Variants in DPEP3 observed in about 807,000 individuals in gnomAD.
The protein encoded by DPEP3 is membrane-bound dipeptidase 3.
A neutral mutation model predicts 47.5 loss-of-function variants in DPEP3; 42 were observed. The observed-to-expected ratio is 0.88, with a 90% CI of 0.69 to 1.14. DPEP3 has a LOEUF of 1.14. Ranked by LOEUF, DPEP3 falls within the 50% of genes most tolerant of loss-of-function variation. The pLI is 0.00. For missense variants in DPEP3, 560 were observed against 635.0 expected (o/e 0.88, Z 1.27); for synonymous variants, 276 against 270.2 (o/e 1.02, Z -0.21).
chr16:67,978,094 G>A lies in DPEP3; in HGVS notation c.687-87C>T. On this transcript the variant is annotated intron_variant, in intron 4 of 9. Transcript: ENST00000268793. This position sits in a 1 kb window ranked among gnomAD's most constrained non-coding sequence, Gnocchi z 4.4. Reference sequence around the variant, plus strand: ...GGCCCTGGCTCTATCCATCCATCCTGCTTCCAGAACAGGTGCAGAACCAGC... The same window carrying A: ...GGCCCTGGCTCTATCCATCCATCCTACTTCCAGAACAGGTGCAGAACCAGC... 6.3e-7 allele frequency: 1 copy of A among 1,584,432 alleles called. No homozygotes were observed. Among genetic ancestry groups the A allele is most frequent in the Non-Finnish European group, 8.7e-7 (1 of 1,155,234 alleles).
At chr16:67,979,054 C>A (rs1327707975) in intron 2 of DPEP3, among the ~76,000 whole-genome samples, 1 of 152,182 alleles carries the variant, frequency 6.6e-6, no homozygotes, top group South Asian at 2.1e-4. Context: ...CCTGTAATCT[C>A]CACACTGTGG....
At chr16:67,979,835 A>G in intron 1 of DPEP3, 70 bp from the exon 2 acceptor site, 1 of 1,575,270 alleles carries the variant, frequency 6.3e-7, no homozygotes, top group Non-Finnish European at 8.6e-7. Flanking sequence ...GCTTGGGTCT[A>G]CCCTCCTCCA....
In DPEP3 at chr16:67,978,282, G is replaced by C. The variant is rs1325536861; in HGVS notation, c.671C>G (p.Thr224Ser). ...LGVRYLTLTF[T>S]CSTPWAESST... ...TTATGCTCACCATGGTGTACTGCAG[G>C]TGAAGGTAAGTGTCAGGTAGCGCAC... The change falls in exon 4 of 10, where the codon ACC becomes AGC. Residue 224 changes from threonine to serine, a missense_variant. Physicochemically the swap from Thr to Ser is moderately conservative, Grantham distance 58. Coordinates refer to ENST00000268793, the MANE Select transcript of DPEP3 (RefSeq NM_001370198.1). This position sits in a 1 kb window ranked among gnomAD's most constrained non-coding sequence, Gnocchi z 4.4. 1.2e-6 allele frequency: 2 copies of C among 1,614,040 alleles called. No individual in the cohort carries two copies. Among genetic ancestry groups the C allele is most frequent in the Non-Finnish European group, 1.7e-6 (2 of 1,180,026 alleles).
intron 7 of DPEP3, 28 bp downstream of exon 7, chr16:67,977,242 C>T: frequency 2.5e-6 from 4 of 1,607,834 alleles, no homozygotes; most frequent in Non-Finnish European, 2.6e-6. Flanking sequence ...CCCAAGCCAG[C>T]ACTGCACAAA....
At chr16:67,977,424 C>A in intron 6 of DPEP3, 70 bp from the exon 7 acceptor site, 1 of 1,475,234 alleles carries the variant, frequency 6.8e-7, no homozygotes, top group Non-Finnish European at 9.4e-7. Context: ...CTGTGGGGGC[C>A]CTGGTAGGAC....
rs1224441192 is a variant in DPEP3 at position 67,977,622 on chromosome 16, G to C, written c.933+31C>G. 2.5e-6 allele frequency: 4 copies of C among 1,594,964 alleles called. No individual in the cohort carries two copies. The Admixed American group carries it at 5.3e-5, about 21-fold the overall frequency. On this transcript the variant is annotated intron_variant, in intron 6 of 9. Transcript: ENST00000268793. Reference sequence around the variant, plus strand: ...GGTCAAGAACCTTTGGATAACACATGCCTAGTTTGAGAGCTGGGATGGCCA... The same window carrying C: ...GGTCAAGAACCTTTGGATAACACATCCCTAGTTTGAGAGCTGGGATGGCCA...
rs2031240242 is a variant in DPEP3, at chr16:67,978,087, C to T, written c.687-80G>A. Reference sequence around the variant, plus strand: ...GCCTGGGGGCCCTGGCTCTATCCATCCATCCTGCTTCCAGAACAGGTGCAG... The same window carrying T: ...GCCTGGGGGCCCTGGCTCTATCCATTCATCCTGCTTCCAGAACAGGTGCAG... On this transcript the variant is annotated intron_variant, in intron 4 of 9. Transcript: ENST00000268793. This position sits in a 1 kb window ranked among gnomAD's most constrained non-coding sequence, Gnocchi z 4.4. The T allele has an allele frequency of 1.8e-5, 28 of 1,589,430 alleles. No individual in the cohort carries two copies. Among genetic ancestry groups the T allele is most frequent in the Non-Finnish European group, 2.4e-5 (28 of 1,159,520 alleles).
rs1280575685 is a variant in DPEP3, at chr16:67,975,777, C to T, written c.1455G>A (p.Gln485=). Residue 485 remains glutamine, a synonymous_variant, in exon 10 of 10, where the codon CAG becomes CAA. Transcript: ENST00000268793. ...GGGACCGACTGTGTCAGCAGAGCCA[C>T]TGGGTGAAGGTTGGGATGGTGGCAG... ...VAAATIPTFT[Q]WLC is the part of the protein sequence containing the mutation. 3.7e-6 allele frequency: 6 copies of T among 1,613,012 alleles called. No individual in the cohort carries two copies. The South Asian group carries it at 6.6e-5, about 18-fold the overall frequency.
Position 67,978,077 on chromosome 16 carries a change from C to A in DPEP3, c.687-70G>T. 1 of 1,594,364 alleles carries A rather than the reference C, an allele frequency of 6.3e-7. No individual in the cohort carries two copies. The highest frequency in any genetic ancestry group is 8.6e-7 in the Non-Finnish European group (1 of 1,163,344). On this transcript the variant is annotated intron_variant, in intron 4 of 9. Coordinates refer to ENST00000268793, the MANE Select transcript of DPEP3 (RefSeq NM_001370198.1). This position sits in a 1 kb window ranked among gnomAD's most constrained non-coding sequence, Gnocchi z 4.4. The stretch of plus-strand genomic sequence containing the variant: ...GGCCATCACAGCCTGGGGGCCCTGG[C>A]TCTATCCATCCATCCTGCTTCCAGA...
rs1429366986 is a variant in DPEP3, at chr16:67,976,794, T to G, written c.1019-19A>C. On this transcript the variant is annotated intron_variant, in intron 7 of 9. Coordinates refer to ENST00000268793, the MANE Select transcript of DPEP3 (RefSeq NM_001370198.1). ...AAGTGATCTAGGGTGGAGGTGAGGG[T>G]GGGCAGCACTAGGCTAGTTAGACCC... 1 of 1,611,004 alleles carries G rather than the reference T, an allele frequency of 6.2e-7. No homozygotes were observed. The highest frequency in any genetic ancestry group is 1.7e-5 in the Admixed American group (1 of 59,818).
chr16:67,979,346 TCC>T (rs1173149310), intron 2 of DPEP3, among the ~76,000 whole-genome samples: 2 of 152,180 alleles, frequency 1.3e-5, no homozygotes, highest in African/African-American at 4.8e-5. Context: ...CTGCTGTTAG[TCC>T]ATGTGCTATG....
intron 2 of DPEP3, among the ~76,000 whole-genome samples, chr16:67,979,347 C>T (rs946230760): frequency 6.6e-6 from 1 of 152,190 alleles, no homozygotes; most frequent in Non-Finnish European, 1.5e-5. Flanking sequence ...TGCTGTTAGT[C>T]CATGTGCTAT....
Position 67,978,450 on chromosome 16 carries a change from A to G in DPEP3, c.545-42T>C. ...AGTCAAGTGGTTAGATCCCAGGAACAGAACCTCCAGAGTGACATCCTGACT... is the reference window on the plus strand; with the variant it reads ...AGTCAAGTGGTTAGATCCCAGGAACGGAACCTCCAGAGTGACATCCTGACT... On this transcript the variant is annotated intron_variant, in intron 3 of 9. Coordinates refer to ENST00000268793, the MANE Select transcript of DPEP3 (RefSeq NM_001370198.1). This position sits in a 1 kb window ranked among gnomAD's most constrained non-coding sequence, Gnocchi z 4.4. 1 of 1,614,024 alleles carries G rather than the reference A, an allele frequency of 6.2e-7. No homozygotes were observed. The highest frequency in any genetic ancestry group is 8.5e-7 in the Non-Finnish European group (1 of 1,179,888).
chr16:67,978,132 T>C lies in DPEP3; in HGVS notation c.687-125A>G. 1.9e-6 allele frequency: 3 copies of C among 1,572,732 alleles called. No homozygotes were observed. The highest frequency in any genetic ancestry group is 1.7e-4 in the Middle Eastern group (1 of 5,766). Reference sequence around the variant, plus strand: ...GTGCAGAACCAGCTGCTTTCTGGGATTGTGAGGGACCCACTGGGTGTCCAG... The same window carrying C: ...GTGCAGAACCAGCTGCTTTCTGGGACTGTGAGGGACCCACTGGGTGTCCAG... On this transcript the variant is annotated intron_variant, in intron 4 of 9. Transcript: ENST00000268793. This position sits in a 1 kb window ranked among gnomAD's most constrained non-coding sequence, Gnocchi z 4.4.
Position 67,978,716 on chromosome 16 carries a change from A to C in DPEP3, c.415-90T>G. On this transcript the variant is annotated intron_variant, in intron 2 of 9. Transcript: ENST00000268793. This position sits in a 1 kb window ranked among gnomAD's most constrained non-coding sequence, Gnocchi z 4.4. ...TCCTGCCTCAGACCCCATAACACCC[A>C]TTTGGGTCAGTGGCCCCAAGTGAGG... 3.3e-6 allele frequency: 5 copies of C among 1,534,668 alleles called. No homozygotes were observed. Among genetic ancestry groups the C allele is most frequent in the Non-Finnish European group, 4.4e-6 (5 of 1,130,962 alleles).
chr16:67,975,825 G>T lies in DPEP3; in HGVS notation c.1407C>A (p.Tyr469Ter). The change falls in exon 10 of 10, where the codon TAC (tyrosine) becomes TAA (stop). Residue 469 changes from tyrosine (Y) to a stop codon, truncating the protein, a stop_gained. Transcript: ENST00000268793. LOFTEE classifies it high-confidence loss of function. ...CAGCAGCCACAAGGCCTGGAACAAG[G>T]TATGGGGAGGCATTTGAGGACCTCC... ...VPWRSSNASP[Y>*]LVPGLVAAAT... The T allele has an allele frequency of 6.2e-7, 1 of 1,613,950 alleles. No individual in the cohort carries two copies. The highest frequency in any genetic ancestry group is 8.5e-7 in the Non-Finnish European group (1 of 1,179,872).
At position 67,980,169 on chromosome 16, in the gene DPEP3, G is replaced by C; in HGVS notation, c.212C>G (p.Thr71Arg). ...GTCCAGGGTTTTGGGGGTGCCTGGC[G>C]TAGTGAGGCCTGGGGTAGTGAGGGC... ...PSALTTPGLTTPGTPKTLDLR... is the reference protein window; with the variant it reads ...PSALTTPGLTRPGTPKTLDLR... The change falls in exon 1 of 10, where the codon ACG (threonine) becomes AGG (arginine). Residue 71 changes from threonine (T) to arginine (R), a missense_variant. Physicochemically the swap from Thr to Arg is moderately conservative, Grantham distance 71. Transcript: ENST00000268793. 1 of 1,612,254 alleles carries C rather than the reference G, an allele frequency of 6.2e-7. No individual in the cohort carries two copies. The highest frequency in any genetic ancestry group is 8.5e-7 in the Non-Finnish European group (1 of 1,179,232).
rs953008442 is a variant in DPEP3, at chr16:67,977,858, G to C, written c.757-29C>G. On this transcript the variant is annotated intron_variant, in intron 5 of 9. Coordinates refer to ENST00000268793, the MANE Select transcript of DPEP3 (RefSeq NM_001370198.1). ...CAGAAACAATTAGGTTTTTTTGTGG[G>C]GGAGGGTGTTGGGGTGCAAAGGTGT... 3 of 1,613,656 alleles carry C rather than the reference G, an allele frequency of 1.9e-6. No homozygotes were observed. In the South Asian group the frequency reaches 3.3e-5, roughly 18 times the overall value.
chr16:67,978,294 G>A lies in DPEP3; in HGVS notation c.659C>T (p.Thr220Ile). ...SFYVLGVRYL[T>I]LTFTCSTPWA... is the part of the protein sequence containing the mutation. ...TGGTGTACTGCAGGTGAAGGTAAGT[G>A]TCAGGTAGCGCACCCCCAGCACATA... is the stretch of plus-strand genomic sequence containing the variant. Residue 220 changes from threonine to isoleucine, a missense_variant, in exon 4 of 10, where the codon ACA (threonine) becomes ATA (isoleucine). Transcript: ENST00000268793. The surrounding 1 kb of genome is among the most constrained non-coding windows in gnomAD (Gnocchi z 4.4). The A allele has an allele frequency of 6.2e-7, 1 of 1,614,164 alleles. No homozygotes were observed. The highest frequency in any genetic ancestry group is 1.1e-5 in the South Asian group (1 of 91,082).
Sources: gnomAD v4.1 joint callset for allele counts (sites outside exome capture counted in the v4.1 genomes callset) on GRCh38, gnomAD v4.1.1 for gene constraint, Gnocchi (gnomAD v3.1) non-coding constraint, MANE v1.5 for transcripts, NCBI Gene and HGNC (gene_info 2026-07-23, HGNC 2026-07-21) for gene names.